GPR137C: variants seen among roughly 807,000 people sequenced by gnomAD.
GPR137C encodes the protein integral membrane protein GPR137C.
Under a neutral mutation model 43.4 loss-of-function variants are expected in GPR137C, and 27 were observed. The ratio of observed to expected loss-of-function variants is 0.62; its 90% confidence interval spans 0.46 to 0.86. The LOEUF is 0.86. Ranked by LOEUF, GPR137C falls within the 40% of genes least tolerant of loss-of-function variation. The pLI, the probability that GPR137C is intolerant of heterozygous loss-of-function variation, is 0.00. For missense variants in GPR137C, 522 were observed against 534.6 expected (o/e 0.98, Z 0.23); for synonymous variants, 285 against 226.9 (o/e 1.26, Z -2.30).
At chr14:52,604,191 T>A (rs763259024) in intron 3 of GPR137C, among the ~76,000 whole-genome samples, 1 of 152,198 alleles carries the variant, frequency 6.6e-6, no homozygotes, top group Non-Finnish European at 1.5e-5. Context: ...TTGTAAATAT[T>A]TACTCCCATT....
At chr14:52,571,908 AG>A (rs1431608521) in intron 1 of GPR137C, among the ~76,000 whole-genome samples, 10 of 152,224 alleles carry the variant, frequency 6.6e-5, no homozygotes, top group African/African-American at 2.4e-4. Flanking sequence ...GAAATAATAA[AG>A]GGGATATCAT....
chr14:52,574,586 G>A (rs926812285), intron 1 of GPR137C, among the ~76,000 whole-genome samples: 2 of 152,106 alleles, frequency 1.3e-5, no homozygotes, highest in Admixed American at 6.6e-5. Flanking sequence ...TAGCAGAGGG[G>A]TAGCATTAGG....
intron 1 of GPR137C, among the ~76,000 whole-genome samples, chr14:52,584,027 T>C (rs2038682074): frequency 6.6e-6 from 1 of 152,170 alleles, no homozygotes; most frequent in African/African-American, 2.4e-5. Context: ...TTTAGTCACT[T>C]TATCTCTTCT....
intron 3 of GPR137C, among the ~76,000 whole-genome samples, chr14:52,623,592 A>G (rs2039185272): frequency 6.6e-6 from 1 of 152,184 alleles, no homozygotes; most frequent in Admixed American, 6.5e-5. Context: ...GGACCATGAA[A>G]CTATTCAAAA....
intron 3 of GPR137C, among the ~76,000 whole-genome samples, chr14:52,614,619 C>G (rs2039078034): frequency 6.6e-6 from 1 of 152,118 alleles, no homozygotes; most frequent in Non-Finnish European, 1.5e-5. Flanking sequence ...TCCTGAGTGG[C>G]TGGGACTACA....
chr14:52,565,358 C>T (rs1477336115), intron 1 of GPR137C, among the ~76,000 whole-genome samples: 3 of 152,078 alleles, frequency 2.0e-5, no homozygotes, highest in African/African-American at 7.2e-5. Flanking sequence ...ATATACCAAG[C>T]TTTAATTATA....
chr14:52,629,105 C>T (rs973928770), intron 3 of GPR137C, among the ~76,000 whole-genome samples: 1 of 152,138 alleles, frequency 6.6e-6, no homozygotes, highest in African/African-American at 2.4e-5. Context: ...AAAAGATTGA[C>T]AGTCCCAAAT....
intron 1 of GPR137C, among the ~76,000 whole-genome samples, chr14:52,574,364 T>C (rs1360342685): frequency 6.6e-6 from 1 of 152,132 alleles, no homozygotes; most frequent in Non-Finnish European, 1.5e-5. Flanking sequence ...GTGGCACATA[T>C]ACACCATGAA....
At chr14:52,630,390 ACTTTT>A (rs774386283) in intron 3 of GPR137C, among the ~76,000 whole-genome samples, 2 of 151,934 alleles carry the variant, frequency 1.3e-5, no homozygotes, top group African/African-American at 2.4e-5. Flanking sequence ...TTGTTTCCTT[ACTTTT>A]CTTTAATAAT....
At chr14:52,577,512 G>GCACACACA (rs1325088914) in intron 1 of GPR137C, among the ~76,000 whole-genome samples, 2 of 92,020 alleles carry the variant, frequency 2.2e-5, no homozygotes, top group Non-Finnish European at 4.6e-5. Context: ...GCGTGCGCGC[G>GCACACACA]CGCGCACACA....
intron 3 of GPR137C, among the ~76,000 whole-genome samples, chr14:52,630,844 AAGG>A (rs529405283): frequency 3.9e-4 from 60 of 152,324 alleles, no homozygotes; most frequent in African/African-American, 1.3e-3. Flanking sequence ...GAGGAAATAA[AAGG>A]AGAGCAATTA....
intron 1 of GPR137C, chr14:52,597,048 A>G (rs969511365): frequency 1.1e-5 from 5 of 451,916 alleles, no homozygotes; most frequent in Non-Finnish European, 1.8e-5. Context: ...GTGGCTGTAC[A>G]GTAGGTATGA....
At chr14:52,579,471 T>G (rs1334468113) in intron 1 of GPR137C, among the ~76,000 whole-genome samples, 1 of 152,220 alleles carries the variant, frequency 6.6e-6, no homozygotes, top group African/African-American at 2.4e-5. Context: ...TCCTGGTACC[T>G]TTTGAAGATT....
At chr14:52,584,517 A>G (rs1394472386) in intron 1 of GPR137C, among the ~76,000 whole-genome samples, 1 of 152,104 alleles carries the variant, frequency 6.6e-6, no homozygotes, top group Non-Finnish European at 1.5e-5. Flanking sequence ...TCTTCAGAGA[A>G]TCCTTGTAAT....
intron 1 of GPR137C, among the ~76,000 whole-genome samples, chr14:52,593,293 C>T (rs975608217): frequency 2.0e-5 from 3 of 151,926 alleles, no homozygotes; most frequent in Non-Finnish European, 1.5e-5. Context: ...TAAAATTTTC[C>T]TTTTTTGTTG....
At chr14:52,579,405 A>G (rs552825199) in intron 1 of GPR137C, among the ~76,000 whole-genome samples, 2 of 152,230 alleles carry the variant, frequency 1.3e-5, no homozygotes, top group East Asian at 1.9e-4. Context: ...AACAGCTTTT[A>G]TCTACCCGTT....
At chr14:52,626,526 T>C (rs2039229498) in intron 3 of GPR137C, among the ~76,000 whole-genome samples, 1 of 151,654 alleles carries the variant, frequency 6.6e-6, no homozygotes, top group Admixed American at 6.6e-5. Flanking sequence ...AGGCATCTAC[T>C]AAAAAACCTA....
intron 1 of GPR137C, among the ~76,000 whole-genome samples, chr14:52,592,035 C>T (rs923126161): frequency 6.6e-5 from 10 of 152,184 alleles, no homozygotes; most frequent in Non-Finnish European, 2.9e-5. Context: ...TTTCAGCTTT[C>T]TGCATATAGC....
In GPR137C at chr14:52,633,865, C is replaced by A; in HGVS notation, c.1031C>A (p.Ser344Tyr). ...ATGATAAATAGTCACAGTTATAGTTCCAGAGCTTACTTTTTCGACAATCCA... is the reference window on the plus strand; with the variant it reads ...ATGATAAATAGTCACAGTTATAGTTACAGAGCTTACTTTTTCGACAATCCA... ...AGMINSHSYS[S>Y]RAYFFDNPRR... The change falls in exon 6 of 7, where the codon TCC becomes TAC. Residue 344 changes from serine (S) to tyrosine (Y), a missense_variant. This residue lies in a region of GPR137C where 18 missense variants were observed against 39.9 expected (regional missense o/e 0.45). Coordinates refer to ENST00000321662, the MANE Select transcript of GPR137C (RefSeq NM_001099652.2). The A allele has an allele frequency of 6.2e-7, 1 of 1,612,602 alleles. No homozygotes were observed. The highest frequency in any genetic ancestry group is 8.5e-7 in the Non-Finnish European group (1 of 1,178,906).
Sources: allele counts gnomAD v4.1 joint callset (sites outside exome capture counted in the v4.1 genomes callset), GRCh38; gene constraint gnomAD v4.1.1; regional missense constraint gnomAD v4.1.1; transcripts MANE v1.5; gene names NCBI Gene and HGNC (gene_info 2026-07-23, HGNC 2026-07-21).